AIG1: variants seen among roughly 807,000 people sequenced by gnomAD.
AIG1 encodes androgen induced 1, also known as androgen-induced gene 1 protein.
In AIG1, 23 loss-of-function variants were observed where a neutral mutation model predicts 31.4. The observed-to-expected ratio is 0.73, with a 90% CI of 0.53 to 1.04. The LOEUF is 1.04. AIG1 is among the 50% of genes least tolerant of loss of function. The pLI, the probability that AIG1 is intolerant of heterozygous loss-of-function variation, is 0.00. For missense variants in AIG1, 274 were observed against 295.0 expected, an observed-to-expected ratio of 0.93 and a Z score of 0.52; for synonymous variants, 100 against 110.5, an observed-to-expected ratio of 0.90 and a Z score of 0.60.
chr6:143,236,568 G>C (rs551177732), intron 3 of AIG1, among the ~76,000 whole-genome samples: 162 of 152,316 alleles, frequency 1.1e-3, no homozygotes, highest in African/African-American at 3.8e-3. Flanking sequence ...CCTTCTGAGC[G>C]AGTCACACTC....
chr6:143,200,893 C>T (rs761964946), intron 3 of AIG1, among the ~76,000 whole-genome samples: 18 of 151,138 alleles, frequency 1.2e-4, no homozygotes, highest in Non-Finnish European at 2.1e-4. Context: ...AAAGCACCCA[C>T]ATTTATATCT....
At chr6:143,207,659 A>G (rs1791229632) in intron 3 of AIG1, among the ~76,000 whole-genome samples, 3 of 152,172 alleles carry the variant, frequency 2.0e-5, no homozygotes, top group Admixed American at 6.6e-5. Flanking sequence ...AAACTCAGGC[A>G]ACTCACATTC....
chr6:143,152,254 TCTTA>T (rs1785308946), intron 2 of AIG1, among the ~76,000 whole-genome samples: 1 of 152,254 alleles, frequency 6.6e-6, no homozygotes, highest in Non-Finnish European at 1.5e-5. Flanking sequence ...ATTAGATTTT[TCTTA>T]CTTTTATCCT....
At chr6:143,210,561 CCT>C (rs1283125522) in intron 3 of AIG1, among the ~76,000 whole-genome samples, 4 of 152,094 alleles carry the variant, frequency 2.6e-5, no homozygotes, top group African/African-American at 9.7e-5. Flanking sequence ...AAGTGTAAAC[CCT>C]CTGTGTACTT....
chr6:143,123,880 A>G (rs1782440145), intron 1 of AIG1, among the ~76,000 whole-genome samples: 1 of 152,200 alleles, frequency 6.6e-6, no homozygotes, highest in Non-Finnish European at 1.5e-5. Context: ...TGAATGTTCT[A>G]CCATATTTAA....
chr6:143,165,213 T>C lies in AIG1; in HGVS notation c.399+30T>C, dbSNP rs571563995. ...GTGGATTAAAACAAACGGCTTTCTT[T>C]TATTTTAAAAAATCTATTAAATAGC... On this transcript the variant is annotated intron_variant, in intron 3 of 5. Coordinates refer to ENST00000357847, the MANE Select transcript of AIG1 (RefSeq NM_016108.4). The C allele has an allele frequency of 2.1e-5, 33 of 1,539,870 alleles. No individual in the cohort carries two copies. The East Asian group carries it at 7.2e-4, about 34-fold the overall frequency.
chr6:143,316,865 G>A (rs2328473), intron 4 of AIG1, among the ~76,000 whole-genome samples: 60,049 of 151,694 alleles, frequency 0.4, 12,265 homozygotes, highest in South Asian at 0.61. Flanking sequence ...TTCATTCAAG[G>A]CCACTATGAA....
intron 4 of AIG1, among the ~76,000 whole-genome samples, chr6:143,301,902 GACA>G (rs1482596172): frequency 6.6e-6 from 1 of 152,338 alleles, no homozygotes; most frequent in African/African-American, 2.4e-5. Context: ...CTCTGGGTGT[GACA>G]ACAAGGCAAG....
chr6:143,252,229 C>T (rs1016050961), intron 3 of AIG1, among the ~76,000 whole-genome samples: 14 of 152,210 alleles, frequency 9.2e-5, no homozygotes, highest in African/African-American at 3.1e-4. Flanking sequence ...AAGCGATTCT[C>T]CCGCCTCAGT....
chr6:143,149,414 C>T (rs1481584974), intron 2 of AIG1, among the ~76,000 whole-genome samples: 1 of 151,176 alleles, frequency 6.6e-6, no homozygotes, highest in East Asian at 1.9e-4. Flanking sequence ...GTAGTCCCAG[C>T]TACTAGGGAG....
chr6:143,181,535 A>T (rs890309770), intron 3 of AIG1, among the ~76,000 whole-genome samples: 6 of 152,256 alleles, frequency 3.9e-5, no homozygotes, highest in Non-Finnish European at 8.8e-5. Context: ...TTAAATTTTA[A>T]TATGAAGATT....
intron 3 of AIG1, among the ~76,000 whole-genome samples, chr6:143,205,400 G>A (rs886759618): frequency 6.6e-6 from 1 of 152,146 alleles, no homozygotes; most frequent in African/African-American, 2.4e-5. Context: ...GTTTGATTGG[G>A]TTAATTTATA....
downstream of AIG1, chr6:143,342,389 GA>G: frequency 4.3e-6 from 3 of 695,942 alleles, no homozygotes. Flanking sequence ...TCTTTATTCA[GA>G]AAAAAATGTG....
chr6:143,066,150 G>C (rs1050984997), intron 1 of AIG1, among the ~76,000 whole-genome samples: 2 of 152,196 alleles, frequency 1.3e-5, no homozygotes, highest in Non-Finnish European at 2.9e-5. Flanking sequence ...ATTTTAATAA[G>C]ATCATCAGGT....
At chr6:143,070,937 T>A (rs1240685519) in intron 1 of AIG1, among the ~76,000 whole-genome samples, 1 of 152,248 alleles carries the variant, frequency 6.6e-6, no homozygotes, top group African/African-American at 2.4e-5. Flanking sequence ...AGAGATACTG[T>A]GTAGGCTTCA....
intron 3 of AIG1, among the ~76,000 whole-genome samples, chr6:143,233,215 G>A (rs564947334): frequency 3.2e-4 from 49 of 152,238 alleles, no homozygotes; most frequent in Middle Eastern, 3.4e-3. Flanking sequence ...TTGGGGGCAC[G>A]GACCATCAGG....
chr6:143,254,467 T>C (rs957163646), intron 3 of AIG1, among the ~76,000 whole-genome samples: 4 of 152,190 alleles, frequency 2.6e-5, no homozygotes, highest in African/African-American at 9.7e-5. Context: ...CTAGACATCC[T>C]GGGGGTGTCT....
Position 143,284,082 on chromosome 6 carries a change from G to C in AIG1, c.400-28G>C. On this transcript the variant is annotated intron_variant, in intron 3 of 5. Coordinates refer to ENST00000357847, the MANE Select transcript of AIG1 (RefSeq NM_016108.4). The surrounding 1 kb of genome is among the most constrained non-coding windows in gnomAD (Gnocchi z 4.4). ...TATAGAGAGACAATGATAGCAATCT[G>C]TGTCACCTAGTCTCTGTTATTTTCC... 2 of 1,511,424 alleles carry C rather than the reference G, an allele frequency of 1.3e-6. No homozygotes were observed. The highest frequency in any genetic ancestry group is 1.8e-6 in the Non-Finnish European group (2 of 1,087,932). 93.6% of individuals were successfully genotyped at this position (1,511,424 alleles called of 1,614,324 possible).
chr6:143,159,225 C>T (rs1180889073), intron 2 of AIG1, among the ~76,000 whole-genome samples: 1 of 152,172 alleles, frequency 6.6e-6, no homozygotes, highest in Non-Finnish European at 1.5e-5. Context: ...TTTTCAGGAA[C>T]AAACAAATTA....
Sources: allele counts gnomAD v4.1 joint callset (sites outside exome capture counted in the v4.1 genomes callset), GRCh38; gene constraint gnomAD v4.1.1; non-coding constraint Gnocchi (gnomAD v3.1); transcripts MANE v1.5; gene names NCBI Gene and HGNC (gene_info 2026-07-23, HGNC 2026-07-21).